PKIA: variants seen among roughly 807,000 people sequenced by gnomAD.
PKIA encodes the protein PKI-alpha.
A neutral mutation model predicts 7.6 loss-of-function variants in PKIA; 4 were observed. That is an observed-to-expected ratio of 0.52 (90% CI 0.26 to 1.20). The LOEUF (loss-of-function observed/expected upper bound fraction) is 1.20. PKIA is among the 50% of genes most tolerant of loss of function. PKIA has a pLI of 0.13. For synonymous variants in PKIA, 21 were observed against 30.7 expected (o/e 0.68, Z 1.04); for missense variants, 73 against 86.2 (o/e 0.85, Z 0.61).
chr8:78,527,274 A>G (rs1192740165), intron 1 of PKIA, among the ~76,000 whole-genome samples: 1 of 152,056 alleles, frequency 6.6e-6, no homozygotes, highest in Non-Finnish European at 1.5e-5. Flanking sequence ...CTGAATTAAG[A>G]TGAGATGTTG....
chr8:78,522,389 A>G (rs7819994), intron 1 of PKIA, among the ~76,000 whole-genome samples: 38,075 of 151,768 alleles, frequency 0.25, 5,474 homozygotes, highest in African/African-American at 0.4. Flanking sequence ...GAGTGGAATT[A>G]TTGGGTCAGA....
chr8:78,540,534 A>C (rs999585403), intron 1 of PKIA, among the ~76,000 whole-genome samples: 1 of 152,030 alleles, frequency 6.6e-6, no homozygotes, highest in Admixed American at 6.6e-5. Flanking sequence ...GCTCTTCCTA[A>C]AAGGATTAAA....
At chr8:78,554,245 C>T (rs948602060) in intron 1 of PKIA, among the ~76,000 whole-genome samples, 2 of 151,964 alleles carry the variant, frequency 1.3e-5, no homozygotes, top group East Asian at 1.9e-4. Context: ...CACCAGTTGA[C>T]GCCAGGCCAG....
intron 1 of PKIA, among the ~76,000 whole-genome samples, chr8:78,549,208 G>T (rs1365770099): frequency 6.6e-6 from 1 of 151,946 alleles, no homozygotes; most frequent in African/African-American, 2.4e-5. Flanking sequence ...TAATGTAGCA[G>T]GAAAAGATAA....
At chr8:78,552,393 C>T (rs549638342) in intron 1 of PKIA, among the ~76,000 whole-genome samples, 11 of 150,558 alleles carry the variant, frequency 7.3e-5, no homozygotes, top group African/African-American at 2.4e-4. Context: ...TTTTCTGGTG[C>T]ACTGTTGGCA....
chr8:78,571,456 C>G (rs1192822371), intron 1 of PKIA, among the ~76,000 whole-genome samples: 1 of 152,054 alleles, frequency 6.6e-6, no homozygotes, highest in East Asian at 1.9e-4. Flanking sequence ...TTAGGGCACG[C>G]CAGAAGTGTG....
intron 1 of PKIA, among the ~76,000 whole-genome samples, chr8:78,545,581 A>G (rs571628508): frequency 1.3e-5 from 2 of 152,298 alleles, no homozygotes; most frequent in Admixed American, 6.5e-5. Flanking sequence ...TTTTACTGAC[A>G]TAATACTAAT....
chr8:78,553,945 G>A (rs924410026), intron 1 of PKIA, among the ~76,000 whole-genome samples: 9 of 151,918 alleles, frequency 5.9e-5, no homozygotes, highest in South Asian at 2.1e-4. Context: ...AGCAGAACAC[G>A]GGATGGGGAG....
intron 1 of PKIA, among the ~76,000 whole-genome samples, chr8:78,522,567 G>A (rs774775233): frequency 2.0e-5 from 3 of 151,844 alleles, no homozygotes; most frequent in African/African-American, 2.4e-5. Context: ...AACATGATCC[G>A]AGCAAAGAAA....
intron 2 of PKIA, among the ~76,000 whole-genome samples, chr8:78,589,954 G>C (rs921851076): frequency 6.6e-6 from 1 of 152,136 alleles, no homozygotes; most frequent in Admixed American, 6.5e-5. Flanking sequence ...GAACGAACAA[G>C]TGACAGGCAA....
chr8:78,593,907 G>A (rs1248012075), intron 2 of PKIA, among the ~76,000 whole-genome samples: 1 of 152,152 alleles, frequency 6.6e-6, no homozygotes, highest in Admixed American at 6.5e-5. Context: ...TAGTAATTTA[G>A]TACAATCAGG....
Position 78,602,711 on chromosome 8 carries a change from A to T in PKIA, c.*890A>T, listed in dbSNP as rs1335805290. On this transcript the variant is annotated 3_prime_UTR_variant, in exon 4 of 4. Transcript: ENST00000396418. ...TCCCACATAATATATATATATATAT[A>T]TATTTTAATTTATGAGAATTTTGGA... is the stretch of plus-strand genomic sequence containing the variant. 1.3e-5 allele frequency: 2 copies of T among 148,618 alleles called. No homozygotes were observed. Among genetic ancestry groups the T allele is most frequent in the African/African-American group, 4.9e-5 (2 of 40,474 alleles). The allele number at this position is 148,618 out of a possible 1,614,324, so 9.2% of individuals were successfully genotyped here. A position where few individuals can be genotyped will look rare whatever the true frequency, so the allele number is the denominator to read the frequency against.
chr8:78,529,272 T>TA (rs1372237859), intron 1 of PKIA, among the ~76,000 whole-genome samples: 5 of 152,126 alleles, frequency 3.3e-5, no homozygotes, highest in African/African-American at 4.8e-5. Context: ...ACATCAGTGT[T>TA]ATCTCAATAG....
intron 1 of PKIA, among the ~76,000 whole-genome samples, chr8:78,536,857 C>CAT (rs1241145211): frequency 1.9e-5 from 2 of 105,422 alleles, no homozygotes; most frequent in Admixed American, 1.9e-4. Flanking sequence ...AGCTAGAAAA[C>CAT]ATACACACAC....
chr8:78,601,705 A>T, intron 3 of PKIA, 37 bp from the exon 4 acceptor site: 1 of 1,480,396 alleles, frequency 6.8e-7, no homozygotes, highest in Non-Finnish European at 9.4e-7. Flanking sequence ...AATCATTTTT[A>T]TTTTGCCTTT....
In PKIA at chr8:78,598,448, G is replaced by C. The variant is rs1440394662; in HGVS notation, c.64G>C (p.Ala22Pro). The change falls in exon 3 of 4, where the codon GCA (alanine) becomes CCA (proline). Residue 22 changes from alanine (A) to proline (P), a missense_variant. Ala to Pro is a conservative substitution (Grantham distance 27). Coordinates refer to ENST00000396418, the MANE Select transcript of PKIA (RefSeq NM_006823.4). ...TTCAGGAAGAACAGGTAGAAGAAATGCAATACATGATATCCTGGTTTCCTC... is the reference window on the plus strand; with the variant it reads ...TTCAGGAAGAACAGGTAGAAGAAATCCAATACATGATATCCTGGTTTCCTC... Reference protein sequence around the residue: ...IASGRTGRRNAIHDILVSSAS... With the variant: ...IASGRTGRRNPIHDILVSSAS... 6.2e-7 allele frequency: 1 copy of C among 1,611,312 alleles called. No homozygotes were observed. The highest frequency in any genetic ancestry group is 8.5e-7 in the Non-Finnish European group (1 of 1,177,852).
intron 1 of PKIA, among the ~76,000 whole-genome samples, chr8:78,556,935 T>G (rs1158761880): frequency 1.3e-5 from 2 of 152,156 alleles, no homozygotes; most frequent in Non-Finnish European, 2.9e-5. Context: ...TGAGTCTAAT[T>G]ACTCTAGTTG....
chr8:78,518,725 T>C (rs1386605552), intron 1 of PKIA, among the ~76,000 whole-genome samples: 1 of 152,144 alleles, frequency 6.6e-6, no homozygotes, highest in Non-Finnish European at 1.5e-5. Context: ...CTGCCTAAGG[T>C]GGAATAATAC....
At chr8:78,581,009 C>T (rs1325123544) in intron 2 of PKIA, among the ~76,000 whole-genome samples, 2 of 151,962 alleles carry the variant, frequency 1.3e-5, no homozygotes, top group African/African-American at 4.8e-5. Context: ...CAGTCTATTG[C>T]AAAGGCCTGG....
Sources: gnomAD v4.1 joint callset for allele counts (sites outside exome capture counted in the v4.1 genomes callset) on GRCh38, gnomAD v4.1.1 for gene constraint, MANE v1.5 for transcripts, NCBI Gene and HGNC (gene_info 2026-07-23, HGNC 2026-07-21) for gene names.